TLK2: variants seen among roughly 807,000 people sequenced by gnomAD.
The protein encoded by TLK2 is serine/threonine-protein kinase tousled-like 2.
TLK2 carries 6 observed loss-of-function variants against 117.3 expected under a neutral mutation model. The observed-to-expected ratio is 0.05, with a 90% CI of 0.03 to 0.10. TLK2 has a LOEUF of 0.10. Ranked by LOEUF, TLK2 falls within the 10% of genes least tolerant of loss-of-function variation. The pLI is 1.00. For missense variants in TLK2, 299 were observed against 901.2 expected (o/e 0.33, Z 8.56); for synonymous variants, 257 against 316.7 (o/e 0.81, Z 2.00).
intron 21 of TLK2, 48 bp from the exon 22 acceptor site, chr17:62,612,344 G>C (rs367922143): frequency 6.3e-7 from 1 of 1,586,168 alleles, no homozygotes; most frequent in African/African-American, 1.3e-5. Flanking sequence ...TTCCCTCCAG[G>C]GGTGCCAAGA....
intron 6 of TLK2, among the ~76,000 whole-genome samples, chr17:62,528,921 G>C (rs2076559022): frequency 6.6e-6 from 1 of 152,126 alleles, no homozygotes; most frequent in Admixed American, 6.6e-5. Context: ...GCTGTTCCCT[G>C]ATCACAACTC....
chr17:62,508,436 A>G (rs2598141), intron 2 of TLK2: 4 of 972,310 alleles, frequency 4.1e-6, no homozygotes, highest in African/African-American at 1.8e-5. Flanking sequence ...GGAAAAAACA[A>G]TAAATATGCA....
chr17:62,491,859 C>T (rs189706873), intron 2 of TLK2, among the ~76,000 whole-genome samples: 23 of 152,364 alleles, frequency 1.5e-4, no homozygotes, highest in African/African-American at 4.6e-4. Flanking sequence ...ACTGGGATTA[C>T]AGGCGTGAGC....
At chr17:62,532,831 A>G (rs1211593767) in intron 6 of TLK2, among the ~76,000 whole-genome samples, 1 of 152,178 alleles carries the variant, frequency 6.6e-6, no homozygotes, top group Admixed American at 6.6e-5. Context: ...TTTTTCCTAG[A>G]TAAATCCCCT....
At chr17:62,595,373 GTATT>G (rs1353666228) in intron 16 of TLK2, among the ~76,000 whole-genome samples, 1 of 146,304 alleles carries the variant, frequency 6.8e-6, no homozygotes, top group East Asian at 2.0e-4. Flanking sequence ...AACCAATAAT[GTATT>G]CATTTATTAT....
At chr17:62,523,280 T>C (rs546795547) in intron 5 of TLK2, 103 bp downstream of exon 5, 1 of 1,464,066 alleles carries the variant, frequency 6.8e-7, no homozygotes, top group Admixed American at 2.6e-5. Flanking sequence ...ATTTGAGGCT[T>C]TAGAAAGTAA....
chr17:62,479,267 G>GAGC lies in TLK2; in HGVS notation c.-28_-26dup, dbSNP rs2071308579. 1 of 167,374 alleles carries GAGC rather than the reference G, an allele frequency of 6.0e-6. No homozygotes were observed. Among genetic ancestry groups the GAGC allele is most frequent in the African/African-American group, 2.4e-5 (1 of 41,542 alleles). 10.4% of individuals were successfully genotyped at this position (167,374 alleles called of 1,614,324 possible). On this transcript the variant is annotated 5_prime_UTR_variant, in exon 1 of 22. Transcript: ENST00000346027. ...CGGGGCCCCTCCCGGGAGGAGCGTGGAGCGGCGGCGGCGGCGGCGGCAGGT... is the reference window on the plus strand; with the variant it reads ...CGGGGCCCCTCCCGGGAGGAGCGTGGAGCAGCGGCGGCGGCGGCGGCGGCAGGT...
rs982584429 is a variant in TLK2 at position 62,614,878 on chromosome 17, C to T, written c.*2313C>T. Reference sequence around the variant, plus strand: ...ATGAAGACATGGATGAAGCTGAGACCGTGTTCAAACTCACTGAAAACAATG... The same window carrying T: ...ATGAAGACATGGATGAAGCTGAGACTGTGTTCAAACTCACTGAAAACAATG... On this transcript the variant is annotated 3_prime_UTR_variant, in exon 22 of 22. Coordinates refer to ENST00000346027, the MANE Select transcript of TLK2 (RefSeq NM_006852.6). The T allele has an allele frequency of 2.0e-5, 3 of 152,106 alleles. No homozygotes were observed. Among genetic ancestry groups the T allele is most frequent in the Non-Finnish European group, 4.4e-5 (3 of 68,010 alleles). The allele number at this position is 152,106 out of a possible 1,614,324, so 9.4% of individuals were successfully genotyped here. A position where few individuals can be genotyped will look rare whatever the true frequency, so the allele number is the denominator to read the frequency against.
chr17:62,575,292 C>G (rs1476511997), intron 12 of TLK2, among the ~76,000 whole-genome samples: 1 of 152,304 alleles, frequency 6.6e-6, no homozygotes, highest in East Asian at 1.9e-4. Context: ...CCTCTGGGGT[C>G]TTGGAGTGAG....
chr17:62,607,616 C>A (rs967019864), intron 20 of TLK2, among the ~76,000 whole-genome samples: 17 of 152,098 alleles, frequency 1.1e-4, no homozygotes, highest in Non-Finnish European at 1.3e-4. Context: ...CTGTCCTTAC[C>A]CCTCTTGGTT....
intron 16 of TLK2, among the ~76,000 whole-genome samples, chr17:62,594,828 A>C (rs1409894475): frequency 6.0e-5 from 8 of 133,592 alleles, no homozygotes; most frequent in East Asian, 2.3e-4. Context: ...ACACACACAC[A>C]CACCCCATGT....
At chr17:62,528,890 C>A (rs1393300636) in intron 6 of TLK2, among the ~76,000 whole-genome samples, 1 of 152,168 alleles carries the variant, frequency 6.6e-6, no homozygotes, top group African/African-American at 2.4e-5. Flanking sequence ...TAGACTATTT[C>A]CAGCAGCTGG....
At chr17:62,577,393 A>G (rs1243041122) in intron 13 of TLK2, among the ~76,000 whole-genome samples, 1 of 152,160 alleles carries the variant, frequency 6.6e-6, no homozygotes, top group Non-Finnish European at 1.5e-5. Flanking sequence ...TAAAATTTAA[A>G]TATATAACAA....
chr17:62,492,463 T>C (rs1420345042), intron 2 of TLK2, among the ~76,000 whole-genome samples: 1 of 152,078 alleles, frequency 6.6e-6, no homozygotes, highest in Non-Finnish European at 1.5e-5. Flanking sequence ...AACTGTTTTT[T>C]TTTTTGTTTT....
intron 13 of TLK2, 64 bp downstream of exon 13, chr17:62,576,839 C>A: frequency 1.5e-6 from 2 of 1,347,342 alleles, no homozygotes; most frequent in African/African-American, 1.4e-5. Flanking sequence ...GGGGTTGAAG[C>A]TATTTGGTCA....
intron 7 of TLK2, among the ~76,000 whole-genome samples, chr17:62,541,883 C>T (rs2077561025): frequency 1.3e-5 from 2 of 152,166 alleles, no homozygotes; most frequent in Admixed American, 6.6e-5. Context: ...CAGTCTAGTG[C>T]TCATTCTGTA....
At chr17:62,588,855 C>T (rs556819004) in intron 16 of TLK2, among the ~76,000 whole-genome samples, 5 of 152,108 alleles carry the variant, frequency 3.3e-5, no homozygotes, top group African/African-American at 9.7e-5. Flanking sequence ...AAGCACATAA[C>T]GGACATTGAT....
rs188164723 is a variant in TLK2 at position 62,586,528 on chromosome 17, A to T, written c.1460+302A>T. Among the ~76,000 whole-genome samples the T allele has an allele frequency of 4.8e-3, 729 of 152,222 alleles. 5 individuals are homozygous for T. The highest frequency in any genetic ancestry group is 8.1e-3 in the Non-Finnish European group (550 of 68,016). ...AGCTATAGTAAATAAAGCCTTAGAA[A>T]TCATTTTTGCTGGCCGGGCACGGTG... On this transcript the variant is annotated intron_variant, in intron 16 of 21. Coordinates refer to ENST00000346027, the MANE Select transcript of TLK2 (RefSeq NM_006852.6).
chr17:62,590,161 G>A (rs1295386399), intron 16 of TLK2, among the ~76,000 whole-genome samples: 1 of 150,202 alleles, frequency 6.7e-6, no homozygotes, highest in East Asian at 2.0e-4. Flanking sequence ...GCTGGGCACG[G>A]TGGCTCACGC....
Sources: allele counts gnomAD v4.1 joint callset (sites outside exome capture counted in the v4.1 genomes callset), GRCh38; gene constraint gnomAD v4.1.1; transcripts MANE v1.5; gene names NCBI Gene and HGNC (gene_info 2026-07-23, HGNC 2026-07-21).